Variants in SLC5A8 observed in about 807,000 individuals in gnomAD.
SLC5A8 encodes the protein sodium-coupled monocarboxylate transporter 1.
In SLC5A8, 55 loss-of-function variants were observed where a neutral mutation model predicts 71.9. The observed-to-expected ratio is 0.77, with a 90% CI of 0.62 to 0.96. The LOEUF is 0.96. Ranked by LOEUF, SLC5A8 falls within the 40% of genes least tolerant of loss-of-function variation. The pLI, the probability that SLC5A8 is intolerant of heterozygous loss-of-function variation, is 0.00. For missense variants in SLC5A8, 701 were observed against 745.3 expected, an observed-to-expected ratio of 0.94 and a Z score of 0.69; for synonymous variants, 307 against 276.1, an observed-to-expected ratio of 1.11 and a Z score of -1.11.
rs552268227 is a variant in SLC5A8, at chr12:101,156,941, A to T, written c.*338T>A. Reference sequence around the variant, plus strand: ...CCAAGGCATGGAAAATATTTTCAATAATACCCAAATTTAAGAATATACCTT... The same window carrying T: ...CCAAGGCATGGAAAATATTTTCAATTATACCCAAATTTAAGAATATACCTT... On this transcript the variant is annotated 3_prime_UTR_variant, in exon 15 of 15. Coordinates refer to ENST00000536262, the MANE Select transcript of SLC5A8 (RefSeq NM_145913.5). 1 of 191,122 alleles carries T rather than the reference A, an allele frequency of 5.2e-6. No individual in the cohort carries two copies. The highest frequency in any genetic ancestry group is 2.3e-5 in the African/African-American group (1 of 43,076). 11.8% of individuals were successfully genotyped at this position (191,122 alleles called of 1,614,324 possible). A position where few individuals can be genotyped will look rare whatever the true frequency, so the allele number is the denominator to read the frequency against.
intron 10 of SLC5A8, among the ~76,000 whole-genome samples, chr12:101,171,038 T>C (rs1257782383): frequency 6.6e-6 from 1 of 152,150 alleles, no homozygotes; most frequent in Non-Finnish European, 1.5e-5. Context: ...GATGGTGTCG[T>C]GGGCCAGATT....
At chr12:101,204,626 A>C in intron 1 of SLC5A8, 61 bp from the exon 2 acceptor site, 38 of 1,171,276 alleles carry the variant, frequency 3.2e-5, no homozygotes, top group Non-Finnish European at 4.6e-5. Context: ...TCAGCAGCTC[A>C]AGAAGAAAAT....
chr12:101,205,054 T>C (rs1035194968), intron 1 of SLC5A8, among the ~76,000 whole-genome samples: 3 of 152,234 alleles, frequency 2.0e-5, no homozygotes, highest in African/African-American at 4.8e-5. Flanking sequence ...GACTGCAGAC[T>C]ATTGTGATGG....
chr12:101,177,362 C>T (rs2051888652), intron 10 of SLC5A8, among the ~76,000 whole-genome samples: 1 of 151,716 alleles, frequency 6.6e-6, no homozygotes. Flanking sequence ...GACAATCTCT[C>T]CTAGAAAATA....
intron 10 of SLC5A8, among the ~76,000 whole-genome samples, chr12:101,172,326 T>G (rs1409059323): frequency 6.6e-6 from 1 of 152,068 alleles, no homozygotes; most frequent in East Asian, 1.9e-4. Context: ...ATGTTAGCAG[T>G]GAAGACATCT....
intron 10 of SLC5A8, among the ~76,000 whole-genome samples, chr12:101,173,926 T>C (rs2051855318): frequency 6.6e-6 from 1 of 152,094 alleles, no homozygotes; most frequent in African/African-American, 2.4e-5. Flanking sequence ...CACCTCTGCT[T>C]CCTCCTCCTT....
Position 101,165,611 on chromosome 12 carries a change from C to T in SLC5A8, c.1526+883G>A, listed in dbSNP as rs529853673. Among the ~76,000 whole-genome samples, 66 of 152,314 alleles carry T rather than the reference C, an allele frequency of 4.3e-4. No individual in the cohort carries two copies. The South Asian group carries it at 0.013, about 30-fold the overall frequency. ...ACCTGCCTGGAACGCCCCTGGAAGTCCCACTGGCTAGCTTTCTCATAGCTG... is the reference window on the plus strand; with the variant it reads ...ACCTGCCTGGAACGCCCCTGGAAGTTCCACTGGCTAGCTTTCTCATAGCTG... On this transcript the variant is annotated intron_variant, in intron 12 of 14. Coordinates refer to ENST00000536262, the MANE Select transcript of SLC5A8 (RefSeq NM_145913.5).
rs1377260546 is a variant in SLC5A8, at chr12:101,156,910, C to T, written c.*369G>A. On this transcript the variant is annotated 3_prime_UTR_variant, in exon 15 of 15. Coordinates refer to ENST00000536262, the MANE Select transcript of SLC5A8 (RefSeq NM_145913.5). ...GTTGGCAAACTTCCAAACTTATATG[C>T]TAGCACCAAGGCATGGAAAATATTT... is the stretch of plus-strand genomic sequence containing the variant. The T allele has an allele frequency of 1.7e-5, 3 of 171,624 alleles. No homozygotes were observed. Among genetic ancestry groups the T allele is most frequent in the Non-Finnish European group, 3.7e-5 (3 of 80,122 alleles). 10.6% of individuals were successfully genotyped at this position (171,624 alleles called of 1,614,324 possible). A position where few individuals can be genotyped will look rare whatever the true frequency, so the allele number is the denominator to read the frequency against.
At chr12:101,166,867 T>C (rs1391184403) in intron 11 of SLC5A8, among the ~76,000 whole-genome samples, 168 bp from the exon 12 acceptor site, 1 of 151,908 alleles carries the variant, frequency 6.6e-6, no homozygotes, top group Non-Finnish European at 1.5e-5. Context: ...AAAAATCTAT[T>C]GAATAAATGA....
intron 2 of SLC5A8, among the ~76,000 whole-genome samples, chr12:101,203,112 C>T (rs1018163438): frequency 8.5e-5 from 13 of 152,312 alleles, no homozygotes; most frequent in African/African-American, 3.1e-4. Context: ...CTTATCCCTA[C>T]TTCTGATTTC....
intron 10 of SLC5A8, among the ~76,000 whole-genome samples, chr12:101,168,850 C>G (rs1357615198): frequency 6.6e-6 from 1 of 152,064 alleles, no homozygotes; most frequent in Non-Finnish European, 1.5e-5. Context: ...AATCTAATGC[C>G]CAGTTCTTAA....
intron 11 of SLC5A8, among the ~76,000 whole-genome samples, 171 bp downstream of exon 11, chr12:101,167,925 C>T (rs554607170): frequency 1.3e-5 from 2 of 152,250 alleles, no homozygotes; most frequent in Non-Finnish European, 2.9e-5. Flanking sequence ...CATTTAGGGT[C>T]CCCATACATA....
intron 4 of SLC5A8, among the ~76,000 whole-genome samples, chr12:101,194,774 T>G (rs1448472353): frequency 6.6e-6 from 1 of 152,172 alleles, no homozygotes; most frequent in East Asian, 1.9e-4. Flanking sequence ...ACTGTGCCTA[T>G]GACCTATGAT....
At chr12:101,158,817 C>T (rs977726357) in intron 13 of SLC5A8, among the ~76,000 whole-genome samples, 4 of 150,690 alleles carry the variant, frequency 2.7e-5, no homozygotes, top group Non-Finnish European at 5.9e-5. Context: ...TGCTTTTCCC[C>T]ACTTTGTTGG....
At chr12:101,199,133 C>T (rs1227713163) in intron 3 of SLC5A8, 1 of 151,882 alleles carries the variant, frequency 6.6e-6, no homozygotes, top group East Asian at 1.9e-4. Context: ...AAAAATAAAA[C>T]AATGACATTT....
At chr12:101,193,121 G>GCCAC (rs1381076193) in intron 5 of SLC5A8, among the ~76,000 whole-genome samples, 1 of 151,988 alleles carries the variant, frequency 6.6e-6, no homozygotes, top group Non-Finnish European at 1.5e-5. Flanking sequence ...ACAGGTGCCT[G>GCCAC]CCACCACACC....
intron 3 of SLC5A8, among the ~76,000 whole-genome samples, chr12:101,196,940 C>A (rs377222761): frequency 2.4e-4 from 36 of 152,150 alleles, no homozygotes; most frequent in African/African-American, 6.8e-4. Context: ...TCCCCCACCC[C>A]GCAAGTGAGT....
At position 101,166,825 on chromosome 12, in the gene SLC5A8, G is replaced by C. The variant is rs139998111; in HGVS notation, c.1321-126C>G. ...ACTCACAAGGGCAGAAACATTCAAC[G>C]CTCTCTCCTCCCAAGATAGTGCTCA... On this transcript the variant is annotated intron_variant, in intron 11 of 14. Transcript: ENST00000536262. 1,131 of 774,626 alleles carry C rather than the reference G, an allele frequency of 1.5e-3. 10 individuals are homozygous for C. In the African/African-American group the frequency reaches 0.016, roughly 11 times the overall value. 48.0% of individuals were successfully genotyped at this position (774,626 alleles called of 1,614,324 possible).
Position 101,203,030 on chromosome 12 carries a change from C to G in SLC5A8, c.418-815G>C, listed in dbSNP as rs76762068. On this transcript the variant is annotated intron_variant, in intron 2 of 14. Transcript: ENST00000536262. ...GCTCCCCTCTTTTTGCAAAAATGAA[C>G]TAACTTTCCACAGTCATTATTCTGT... 4.3e-3 allele frequency among the ~76,000 whole-genome samples: 652 copies of G among 152,280 alleles called. 8 individuals are homozygous for G. The highest frequency in any genetic ancestry group is 0.015 in the African/African-American group (618 of 41,574).
Sources: allele counts gnomAD v4.1 joint callset (sites outside exome capture counted in the v4.1 genomes callset), GRCh38; gene constraint gnomAD v4.1.1; transcripts MANE v1.5; gene names NCBI Gene and HGNC (gene_info 2026-07-23, HGNC 2026-07-21).